The following LRRC20 variants were observed in gnomAD, a reference collection of about 807,000 sequenced individuals.
LRRC20 encodes the protein leucine rich repeat containing 20.
Under a neutral mutation model 14.4 loss-of-function variants are expected in LRRC20, and 11 were observed. That is an observed-to-expected ratio of 0.77 (90% confidence interval 0.48 to 1.27). LRRC20 has a LOEUF of 1.27. LRRC20 is among the 50% of genes most tolerant of loss of function. The pLI, the probability that LRRC20 is intolerant of heterozygous loss-of-function variation, is 0.00. For missense variants in LRRC20, 219 were observed against 251.2 expected, an observed-to-expected ratio of 0.87 and a Z score of 0.87; for synonymous variants, 121 against 107.3, an observed-to-expected ratio of 1.13 and a Z score of -0.79.
chr10:70,352,610 T>C (rs186276899), intron 2 of LRRC20, among the ~76,000 whole-genome samples: 2 of 152,222 alleles, frequency 1.3e-5, no homozygotes, highest in African/African-American at 4.8e-5. Context: ...GGTTCACCAA[T>C]TGTAGTAAAT....
chr10:70,363,755 G>A (rs1181527119), intron 2 of LRRC20, among the ~76,000 whole-genome samples: 3 of 152,176 alleles, frequency 2.0e-5, no homozygotes, highest in Admixed American at 2.0e-4. Flanking sequence ...AGAAGAGGGA[G>A]AAGGGTCTTT....
intron 3 of LRRC20, among the ~76,000 whole-genome samples, chr10:70,329,865 T>G (rs1842470883): frequency 6.6e-6 from 1 of 152,180 alleles, no homozygotes; most frequent in Non-Finnish European, 1.5e-5. Flanking sequence ...TCGCCCAGCC[T>G]AGCCTTTTCA....
chr10:70,366,899 C>G (rs1018031590), intron 2 of LRRC20, among the ~76,000 whole-genome samples: 24 of 152,186 alleles, frequency 1.6e-4, no homozygotes, highest in African/African-American at 5.3e-4. Context: ...AATACTATAG[C>G]ACTTTATACA....
intron 2 of LRRC20, among the ~76,000 whole-genome samples, chr10:70,360,580 G>A (rs1435638742): frequency 6.6e-6 from 1 of 152,182 alleles, no homozygotes; most frequent in Non-Finnish European, 1.5e-5. Context: ...GGGACTACAG[G>A]CTCACGCCAC....
intron 2 of LRRC20, among the ~76,000 whole-genome samples, chr10:70,356,587 T>A (rs780794386): frequency 1.3e-5 from 2 of 152,026 alleles, no homozygotes; most frequent in South Asian, 4.1e-4. Flanking sequence ...GCAGAGTAGC[T>A]CACACCTGTA....
At position 70,304,706 on chromosome 10, in the gene LRRC20, C is replaced by A. The variant is rs1232225952; in HGVS notation, c.401-3198G>T. Among the ~76,000 whole-genome samples, 6 of 151,770 alleles carry A rather than the reference C, an allele frequency of 4.0e-5. No homozygotes were observed. In the East Asian group the frequency reaches 1.2e-3, roughly 29 times the overall value. Reference sequence around the variant, plus strand: ...TCTATACCCATTTAAACAAAAACTCCCCATCCCTCCCTCCTCCCAGCACCT... The same window carrying A: ...TCTATACCCATTTAAACAAAAACTCACCATCCCTCCCTCCTCCCAGCACCT... On this transcript the variant is annotated intron_variant, in intron 4 of 4. Coordinates refer to ENST00000446961, the MANE Select transcript of LRRC20 (RefSeq NM_001278212.2).
At chr10:70,326,300 A>ACACACACG (rs1369721659) in intron 3 of LRRC20, among the ~76,000 whole-genome samples, 1 of 121,544 alleles carries the variant, frequency 8.2e-6, no homozygotes, top group Non-Finnish European at 1.8e-5. Flanking sequence ...CTCTGTGTAC[A>ACACACACG]CACACACACA....
intron 2 of LRRC20, among the ~76,000 whole-genome samples, chr10:70,371,742 G>C (rs1449024043): frequency 1.3e-5 from 2 of 152,168 alleles, no homozygotes; most frequent in Non-Finnish European, 2.9e-5. Context: ...ATGCTGAGGA[G>C]GGGTGAGAGA....
intron 4 of LRRC20, among the ~76,000 whole-genome samples, chr10:70,321,980 T>C (rs1842097337): frequency 6.6e-6 from 1 of 152,268 alleles, no homozygotes; most frequent in Admixed American, 6.5e-5. Context: ...ATCTTTGCTC[T>C]GTGGCTGTGC....
chr10:70,304,247 C>T (rs954526280), intron 4 of LRRC20, among the ~76,000 whole-genome samples: 2 of 151,868 alleles, frequency 1.3e-5, no homozygotes, highest in African/African-American at 4.8e-5. Context: ...TAGCACAGGA[C>T]GGGGCCAGAC....
At chr10:70,380,123 A>C (rs1844652821) in intron 1 of LRRC20, among the ~76,000 whole-genome samples, 2 of 152,134 alleles carry the variant, frequency 1.3e-5, no homozygotes, top group African/African-American at 4.8e-5. Context: ...ACTGATGAAA[A>C]CTAGTCAGAT....
intron 4 of LRRC20, among the ~76,000 whole-genome samples, chr10:70,305,182 C>CTAAA (rs1476317040): frequency 6.6e-6 from 1 of 152,134 alleles, no homozygotes; most frequent in Non-Finnish European, 1.5e-5. Context: ...GAAACTCTAT[C>CTAAA]TAAATAAATA....
chr10:70,357,889 C>T (rs978129411), intron 2 of LRRC20, among the ~76,000 whole-genome samples: 19 of 152,212 alleles, frequency 1.2e-4, no homozygotes, highest in African/African-American at 4.6e-4. Flanking sequence ...CTAAAGGGAC[C>T]ACAGCTGGTC....
chr10:70,366,142 G>A (rs1296606206), intron 2 of LRRC20, among the ~76,000 whole-genome samples: 16 of 151,654 alleles, frequency 1.1e-4, no homozygotes, highest in Admixed American at 9.9e-4. Flanking sequence ...GTACAACGTC[G>A]GCCAGGAACG....
At chr10:70,329,605 A>G (rs902006682) in intron 3 of LRRC20, among the ~76,000 whole-genome samples, 1 of 135,562 alleles carries the variant, frequency 7.4e-6, no homozygotes, top group African/African-American at 2.9e-5. Context: ...TCTGTCCCCC[A>G]GACTGGAGTG....
At chr10:70,309,973 A>G (rs1841588953) in intron 4 of LRRC20, among the ~76,000 whole-genome samples, 1 of 152,236 alleles carries the variant, frequency 6.6e-6, no homozygotes, top group Non-Finnish European at 1.5e-5. Context: ...TGGCCTCTCC[A>G]GGGTCTGTGG....
At chr10:70,301,989 G>A (rs1027282903) in intron 4 of LRRC20, among the ~76,000 whole-genome samples, 1 of 152,112 alleles carries the variant, frequency 6.6e-6, no homozygotes, top group African/African-American at 2.4e-5. Context: ...ACGCAATTCC[G>A]ATACAGGTTA....
intron 1 of LRRC20, among the ~76,000 whole-genome samples, chr10:70,380,492 G>A (rs1844662594): frequency 6.6e-6 from 1 of 152,210 alleles, no homozygotes; most frequent in African/African-American, 2.4e-5. Context: ...AGGGATGGTG[G>A]TAGTGGAGAG....
At chr10:70,342,228 T>C (rs1200879612) in intron 2 of LRRC20, among the ~76,000 whole-genome samples, 1 of 151,874 alleles carries the variant, frequency 6.6e-6, no homozygotes, top group Non-Finnish European at 1.5e-5. Context: ...GAGAATCGCT[T>C]CAACCTGGGA....
Sources: allele counts gnomAD v4.1 joint callset (sites outside exome capture counted in the v4.1 genomes callset), GRCh38; gene constraint gnomAD v4.1.1; transcripts MANE v1.5; gene names NCBI Gene and HGNC (gene_info 2026-07-23, HGNC 2026-07-21).